CHGA: variants seen among roughly 807,000 people sequenced by gnomAD.
The protein encoded by CHGA is chromogranin A, also known as chromogranin-A.
Under a neutral mutation model 54.4 loss-of-function variants are expected in CHGA, and 41 were observed. The observed-to-expected ratio is 0.75, with a 90% CI of 0.59 to 0.98. CHGA has a LOEUF of 0.98. CHGA is among the 50% of genes least tolerant of loss of function. CHGA has a pLI of 0.00. For synonymous variants in CHGA, 249 were observed against 232.8 expected (o/e 1.07, Z -0.63); for missense variants, 576 against 582.3 (o/e 0.99, Z 0.11).
At chr14:92,928,430 T>C (rs993452752) in intron 4 of CHGA, among the ~76,000 whole-genome samples, 1 of 152,128 alleles carries the variant, frequency 6.6e-6, no homozygotes, top group South Asian at 2.1e-4. Flanking sequence ...CACACTGTTC[T>C]TCCTCCCACT....
In CHGA at chr14:92,927,630, C is replaced by G; in HGVS notation, c.256+12C>G. 1.2e-6 allele frequency: 2 copies of G among 1,607,330 alleles called. No individual in the cohort carries two copies. Among genetic ancestry groups the G allele is most frequent in the Non-Finnish European group, 1.7e-6 (2 of 1,175,646 alleles). On this transcript the variant is annotated intron_variant, in intron 4 of 7. Coordinates refer to ENST00000216492, the MANE Select transcript of CHGA (RefSeq NM_001275.4). ...CCTCGCTCTCCAAGGTATTTTCCAG[C>G]CACTGCACTTGACTCTGGGTAAATT...
At chr14:92,929,092 A>G (rs1260430892) in intron 4 of CHGA, among the ~76,000 whole-genome samples, 1 of 152,220 alleles carries the variant, frequency 6.6e-6, no homozygotes, top group East Asian at 1.9e-4. Context: ...AATAAGGCAC[A>G]GGTGTGGGGA....
intron 4 of CHGA, among the ~76,000 whole-genome samples, chr14:92,928,024 C>T (rs1227895881): frequency 6.6e-6 from 1 of 152,192 alleles, no homozygotes; most frequent in African/African-American, 2.4e-5. Flanking sequence ...CTATGCCCAG[C>T]CCCCCAGCTC....
chr14:92,934,698 C>T, intron 7 of CHGA, 103 bp from the exon 8 acceptor site: 1 of 789,920 alleles, frequency 1.3e-6, no homozygotes, highest in Non-Finnish European at 2.1e-6. Context: ...GAGACAAAGC[C>T]ACCTGTCCGA....
chr14:92,932,244 C>T lies in CHGA; in HGVS notation c.809-126C>T, dbSNP rs1044035713. On this transcript the variant is annotated intron_variant, in intron 6 of 7. Transcript: ENST00000216492. The surrounding 1 kb of genome is among the most constrained non-coding windows in gnomAD (Gnocchi z 5.3). ...AGCCTGGCATCAAGAAGGTTTTTCC[C>T]GCTAAGCGTCATCACTGTGGAGAGG... The T allele has an allele frequency of 4.5e-6, 6 of 1,342,298 alleles. No individual in the cohort carries two copies. The highest frequency in any genetic ancestry group is 5.9e-6 in the Non-Finnish European group (6 of 1,011,584). The allele number at this position is 1,342,298 out of a possible 1,614,324, so 83.1% of individuals were successfully genotyped here. A position where few individuals can be genotyped will look rare whatever the true frequency, so the allele number is the denominator to read the frequency against.
intron 7 of CHGA, among the ~76,000 whole-genome samples, chr14:92,934,053 C>G (rs1159059069): frequency 6.6e-6 from 1 of 152,182 alleles, no homozygotes; most frequent in African/African-American, 2.4e-5. Flanking sequence ...GGTCCCTGGG[C>G]CAGGATGCCC....
rs1056311147 is a variant in CHGA at position 92,931,639 on chromosome 14, GGCCC to G, written c.746_749del (p.Gly249AlafsTer3). The G allele has an allele frequency of 2.5e-6, 4 of 1,611,132 alleles. No homozygotes were observed. The Admixed American group carries it at 5.0e-5, about 20-fold the overall frequency. On this transcript the variant is annotated frameshift_variant, in exon 6 of 8. Coordinates refer to ENST00000216492, the MANE Select transcript of CHGA (RefSeq NM_001275.4). LOFTEE classifies it high-confidence loss of function. The stretch of plus-strand genomic sequence containing the variant: ...AGAGGAGGCTGTCCCCGAGGAAGAA[GGCCC>G]CACTGTAGTGCTGAACCCCCACCCG...
intron 4 of CHGA, 32 bp from the exon 5 acceptor site, chr14:92,929,684 CA>C: frequency 6.3e-7 from 1 of 1,589,392 alleles, no homozygotes; most frequent in Non-Finnish European, 8.6e-7. Flanking sequence ...CAGCTGCACC[CA>C]ATGGGACTTT....
rs375655414 is a variant in CHGA, at chr14:92,929,680, C to T, written c.257-37C>T. 2.5e-6 allele frequency: 4 copies of T among 1,577,314 alleles called. No homozygotes were observed. The African/African-American group carries it at 4.0e-5, about 16-fold the overall frequency. On this transcript the variant is annotated intron_variant, in intron 4 of 7. Transcript: ENST00000216492. ...CTTATAGACAAATATGCCACAGCTG[C>T]ACCCAATGGGACTTTTCCCTCCTTT... is the stretch of plus-strand genomic sequence containing the variant.
chr14:92,931,570 A>C lies in CHGA; in HGVS notation c.676A>C (p.Lys226Gln). Residue 226 changes from lysine (K) to glutamine (Q), a missense_variant, in exon 6 of 8, where the codon AAG becomes CAG. Transcript: ENST00000216492. ...GLSAEPGWQA[K>Q]REEEEEEEEE... is the part of the protein sequence containing the mutation. ...GAGTGCAGAGCCAGGGTGGCAGGCA[A>C]AGAGAGAAGAGGAGGAGGAGGAGGA... 1 of 1,612,604 alleles carries C rather than the reference A, an allele frequency of 6.2e-7. No individual in the cohort carries two copies. The highest frequency in any genetic ancestry group is 1.1e-5 in the South Asian group (1 of 90,978).
In CHGA at chr14:92,932,754, C is replaced by T; in HGVS notation, c.1193C>T (p.Ser398Phe). The T allele has an allele frequency of 6.2e-7, 1 of 1,607,136 alleles. No individual in the cohort carries two copies. Among genetic ancestry groups the T allele is most frequent in the Non-Finnish European group, 8.5e-7 (1 of 1,177,602 alleles). ...CTGCGACGAGGCTGGAGGCCATCCTCCCGGGAGGACAGCCTTGAGGCGGGC... is the reference window on the plus strand; with the variant it reads ...CTGCGACGAGGCTGGAGGCCATCCTTCCGGGAGGACAGCCTTGAGGCGGGC... ...PQLRRGWRPS[S>F]REDSLEAGLP... Residue 398 changes from serine to phenylalanine, a missense_variant, in exon 7 of 8, where the codon TCC (serine) becomes TTC (phenylalanine). By Grantham distance (155) the Ser-to-Phe change is radical. Coordinates refer to ENST00000216492, the MANE Select transcript of CHGA (RefSeq NM_001275.4). This position sits in a 1 kb window ranked among gnomAD's most constrained non-coding sequence, Gnocchi z 5.3.
intron 7 of CHGA, chr14:92,933,383 T>A (rs1478648976): frequency 6.5e-6 from 1 of 152,976 alleles, no homozygotes; most frequent in Non-Finnish European, 1.5e-5. Flanking sequence ...CCGAGCCTCA[T>A]CAGTTCCATT....
At position 92,925,798 on chromosome 14, in the gene CHGA, G is replaced by A. The variant is rs144622673; in HGVS notation, c.94-807G>A. Among the ~76,000 whole-genome samples the A allele has an allele frequency of 1.1e-3, 164 of 152,236 alleles. 1 individual carries two copies. In the East Asian group the frequency reaches 0.018, roughly 17 times the overall value. Reference sequence around the variant, plus strand: ...CAGTTGGGAAGGTATTCTCACTCCCGTTTTACAAATGAGGACACTGAGGCT... The same window carrying A: ...CAGTTGGGAAGGTATTCTCACTCCCATTTTACAAATGAGGACACTGAGGCT... On this transcript the variant is annotated intron_variant, in intron 2 of 7. Coordinates refer to ENST00000216492, the MANE Select transcript of CHGA (RefSeq NM_001275.4).
At chr14:92,926,314 G>A in intron 2 of CHGA, 1 of 422,446 alleles carries the variant, frequency 2.4e-6, no homozygotes, top group Non-Finnish European at 4.3e-6. Context: ...GAAGGTACCA[G>A]GTACCATTCC....
At chr14:92,930,648 C>T (rs1403685964) in intron 5 of CHGA, among the ~76,000 whole-genome samples, 1 of 152,200 alleles carries the variant, frequency 6.6e-6, no homozygotes, top group Non-Finnish European at 1.5e-5. Flanking sequence ...TTTTGGGTTT[C>T]TGTGAAATAG....
At chr14:92,927,254 G>A (rs377148652) in intron 3 of CHGA, among the ~76,000 whole-genome samples, 11 of 152,340 alleles carry the variant, frequency 7.2e-5, no homozygotes, top group African/African-American at 2.6e-4. Flanking sequence ...ACACAGGCAT[G>A]GAGATGGGAA....
At chr14:92,933,807 G>A (rs1887062034) in intron 7 of CHGA, among the ~76,000 whole-genome samples, 1 of 152,202 alleles carries the variant, frequency 6.6e-6, no homozygotes, top group Non-Finnish European at 1.5e-5. Context: ...GGACAAAGCT[G>A]GAGAGAATGG....
At chr14:92,922,904 C>T (rs950338733), upstream of CHGA, among the ~76,000 whole-genome samples, 9 of 152,332 alleles carry the variant, frequency 5.9e-5, no homozygotes, top group South Asian at 6.2e-4. Context: ...GTGGAATCGT[C>T]GAGGGGTGGA....
Position 92,932,735 on chromosome 14 carries a change from C to G in CHGA, c.1174C>G (p.Arg392Gly). ...GFRGPGPQLR[R>G]GWRPSSREDS... Reference sequence around the variant, plus strand: ...CAGGGGCCCTGGGCCGCAGCTGCGACGAGGCTGGAGGCCATCCTCCCGGGA... The same window carrying G: ...CAGGGGCCCTGGGCCGCAGCTGCGAGGAGGCTGGAGGCCATCCTCCCGGGA... The change falls in exon 7 of 8, where the codon CGA becomes GGA. Residue 392 changes from arginine (R) to glycine (G), a missense_variant. By Grantham distance (125) the Arg-to-Gly change is moderately radical. Coordinates refer to ENST00000216492, the MANE Select transcript of CHGA (RefSeq NM_001275.4). The surrounding 1 kb of genome is among the most constrained non-coding windows in gnomAD (Gnocchi z 5.3). The G allele has an allele frequency of 1.2e-6, 2 of 1,610,192 alleles. No homozygotes were observed. The highest frequency in any genetic ancestry group is 1.7e-6 in the Non-Finnish European group (2 of 1,179,122).
Sources: allele counts gnomAD v4.1 joint callset (sites outside exome capture counted in the v4.1 genomes callset), GRCh38; gene constraint gnomAD v4.1.1; non-coding constraint Gnocchi (gnomAD v3.1); transcripts MANE v1.5; gene names NCBI Gene and HGNC (gene_info 2026-07-23, HGNC 2026-07-21).